The following ZNF627 variants were observed in gnomAD, a reference collection of about 807,000 sequenced individuals.
ZNF627 encodes zinc finger protein 627.
Under a neutral mutation model 10.6 loss-of-function variants are expected in ZNF627, and 12 were observed. The observed-to-expected ratio is 1.13, with a 90% confidence interval of 0.73 to 1.84. ZNF627 has a LOEUF of 1.84. Among genes scored for constraint, ZNF627 ranks in the 40% most tolerant of loss-of-function variants. The pLI is 0.00. For missense variants in ZNF627, 504 were observed against 568.4 expected (o/e 0.89, Z 1.15); for synonymous variants, 176 against 187.1 (o/e 0.94, Z 0.48).
chr19:11,600,114 A>AT (rs1973559431), intron 1 of ZNF627, among the ~76,000 whole-genome samples: 5 of 152,128 alleles, frequency 3.3e-5, no homozygotes, highest in Non-Finnish European at 7.4e-5. Context: ...GATTTCAGAA[A>AT]ACATTAAATA....
chr19:11,614,136 G>C (rs952611275), intron 1 of ZNF627, among the ~76,000 whole-genome samples: 5 of 151,748 alleles, frequency 3.3e-5, no homozygotes, highest in African/African-American at 1.2e-4. Flanking sequence ...TAGCCAGGAT[G>C]GTCTCGATCT....
At chr19:11,601,371 ACT>A (rs1300811695) in intron 1 of ZNF627, among the ~76,000 whole-genome samples, 7 of 151,710 alleles carry the variant, frequency 4.6e-5, no homozygotes, top group Admixed American at 2.0e-4. Context: ...ACAGGGTCTC[ACT>A]CTGTCTCCTA....
chr19:11,617,517 GGTGT>G lies in ZNF627; in HGVS notation c.1018_1021del (p.Cys340GlyfsTer194), dbSNP rs1240669241. The G allele has an allele frequency of 3.7e-5, 59 of 1,613,554 alleles. No individual in the cohort carries two copies. Among genetic ancestry groups the G allele is most frequent in the Non-Finnish European group, 4.9e-5 (58 of 1,179,974 alleles). ...CTGGCAATGGACCTTATAAATGTAA[GGTGT>G]GTGGGAAAGCCTTTGATTTCCCCAG... is the stretch of plus-strand genomic sequence containing the variant. On this transcript the variant is annotated frameshift_variant, in exon 4 of 4. Coordinates refer to ENST00000361113, the MANE Select transcript of ZNF627 (RefSeq NM_145295.4). LOFTEE classifies it low-confidence loss of function (END_TRUNC).
intron 3 of ZNF627, 124 bp downstream of exon 3, chr19:11,615,011 A>G (rs3923752): frequency 0.43 from 317,519 of 739,380 alleles, 71,371 homozygotes; most frequent in Non-Finnish European, 0.46. Context: ...CAGTGGCACA[A>G]TCTTGGCTCA....
intron 1 of ZNF627, among the ~76,000 whole-genome samples, chr19:11,598,889 G>A (rs748853487): frequency 3.9e-5 from 6 of 152,104 alleles, no homozygotes; most frequent in African/African-American, 9.7e-5. Flanking sequence ...TTCTCAGAAT[G>A]TCTTTTGGTT....
chr19:11,605,249 A>AT (rs372754386), intron 1 of ZNF627, among the ~76,000 whole-genome samples: 13 of 150,008 alleles, frequency 8.7e-5, no homozygotes, highest in Middle Eastern at 3.4e-3. Flanking sequence ...GGCCTGACTA[A>AT]TTTTTTTTTG....
At chr19:11,614,329 T>C (rs766243069) in intron 1 of ZNF627, among the ~76,000 whole-genome samples, 198 bp from the exon 2 acceptor site, 4 of 152,230 alleles carry the variant, frequency 2.6e-5, no homozygotes, top group Non-Finnish European at 5.9e-5. Flanking sequence ...CCTATTCTGC[T>C]GTTGCTAGTT....
chr19:11,618,141 T>G lies in ZNF627; in HGVS notation c.*252T>G. On this transcript the variant is annotated 3_prime_UTR_variant, in exon 4 of 4. Coordinates refer to ENST00000361113, the MANE Select transcript of ZNF627 (RefSeq NM_145295.4). ...TTCCCAGAATCCATTCCATTTGTGA[T>G]TCCATGATACAATTCACCAGTAACC... The G allele has an allele frequency of 4.8e-6, 2 of 419,086 alleles. No homozygotes were observed. The highest frequency in any genetic ancestry group is 2.0e-5 in the African/African-American group (1 of 48,836). The allele number at this position is 419,086 out of a possible 1,614,324, so 26.0% of individuals were successfully genotyped here. A position where few individuals can be genotyped will look rare whatever the true frequency, so the allele number is the denominator to read the frequency against.
At chr19:11,610,415 G>T (rs1973754030) in intron 1 of ZNF627, among the ~76,000 whole-genome samples, 1 of 151,998 alleles carries the variant, frequency 6.6e-6, no homozygotes, top group African/African-American at 2.4e-5. Context: ...ATTTCAAGCA[G>T]TTGCTGCCCT....
At chr19:11,598,553 G>A (rs951145541) in intron 1 of ZNF627, among the ~76,000 whole-genome samples, 2 of 152,104 alleles carry the variant, frequency 1.3e-5, no homozygotes, top group Admixed American at 6.6e-5. Context: ...ACTCCCCAGG[G>A]GGACAGGGTC....
Position 11,614,664 on chromosome 19 carries a change from C to G in ZNF627, c.130+11C>G. The G allele has an allele frequency of 6.2e-7, 1 of 1,613,708 alleles. No homozygotes were observed. The highest frequency in any genetic ancestry group is 1.1e-5 in the South Asian group (1 of 91,074). ...ACCTGGCTTCTGTAGGTAAGGGTGA[C>G]AATATTCCTTTCCTCAGTGAATTAG... On this transcript the variant is annotated intron_variant, in intron 2 of 3. Coordinates refer to ENST00000361113, the MANE Select transcript of ZNF627 (RefSeq NM_145295.4).
At chr19:11,615,423 A>C (rs896463521) in intron 3 of ZNF627, among the ~76,000 whole-genome samples, 1 of 146,740 alleles carries the variant, frequency 6.8e-6, no homozygotes, top group African/African-American at 2.5e-5. Context: ...ACACGGTGAA[A>C]CTCCGTCTCT....
intron 1 of ZNF627, among the ~76,000 whole-genome samples, chr19:11,608,948 T>A (rs1973719106): frequency 6.6e-6 from 1 of 152,198 alleles, no homozygotes; most frequent in Non-Finnish European, 1.5e-5. Context: ...CTCGGCTCAC[T>A]GCAATCTCCG....
Position 11,618,191 on chromosome 19 carries a change from A to G in ZNF627, c.*302A>G, listed in dbSNP as rs1973913363. 3.3e-6 allele frequency: 1 copy of G among 302,586 alleles called. No homozygotes were observed. Among genetic ancestry groups the G allele is most frequent in the Non-Finnish European group, 6.1e-6 (1 of 165,026 alleles). 18.7% of individuals were successfully genotyped at this position (302,586 alleles called of 1,614,324 possible). On this transcript the variant is annotated 3_prime_UTR_variant, in exon 4 of 4. Transcript: ENST00000361113. ...CTATCTTACATGAGATTCGGAAGTA[A>G]GTTAAGAAGGCATTAGTCATGGTTT...
At chr19:11,608,540 G>A (rs1247171343) in intron 1 of ZNF627, among the ~76,000 whole-genome samples, 3 of 152,166 alleles carry the variant, frequency 2.0e-5, no homozygotes, top group Non-Finnish European at 4.4e-5. Context: ...AGCTATTCAA[G>A]TGGTGAGTAG....
intron 3 of ZNF627, among the ~76,000 whole-genome samples, chr19:11,615,375 C>T: frequency 6.7e-6 from 1 of 150,256 alleles, no homozygotes; most frequent in East Asian, 2.0e-4. Context: ...CTGAGGTGGG[C>T]AGATCACGAG....
rs917868484 is a variant in ZNF627, at chr19:11,597,511, C to T, written c.-117C>T. On this transcript the variant is annotated 5_prime_UTR_variant, in exon 1 of 4. Transcript: ENST00000361113. ...TCTGGCGACCGTCCCCACCCGGGCT[C>T]GCGTCTCCGTTTCTCCGAGAGGCCC... is the stretch of plus-strand genomic sequence containing the variant. 1.1e-5 allele frequency: 12 copies of T among 1,130,786 alleles called. No homozygotes were observed. The highest frequency in any genetic ancestry group is 2.3e-4 in the Middle Eastern group (1 of 4,374). 70.0% of individuals were successfully genotyped at this position (1,130,786 alleles called of 1,614,324 possible).
intron 1 of ZNF627, among the ~76,000 whole-genome samples, chr19:11,599,473 C>T (rs1047842740): frequency 1.3e-5 from 2 of 152,136 alleles, no homozygotes; most frequent in Non-Finnish European, 2.9e-5. Flanking sequence ...AAAACCCATC[C>T]CACTGAGGTG....
At chr19:11,601,354 G>T (rs116737849) in intron 1 of ZNF627, among the ~76,000 whole-genome samples, 2,225 of 151,294 alleles carry the variant, frequency 0.015, 33 homozygotes, top group Middle Eastern at 0.048. Flanking sequence ...TATTTTTTTT[G>T]TGTGTGACAG....
Sources: allele counts gnomAD v4.1 joint callset (sites outside exome capture counted in the v4.1 genomes callset), GRCh38; gene constraint gnomAD v4.1.1; transcripts MANE v1.5; gene names NCBI Gene and HGNC (gene_info 2026-07-23, HGNC 2026-07-21).